ARMC3: variants seen among roughly 807,000 people sequenced by gnomAD.
ARMC3 encodes armadillo repeat-containing protein 3.
Under a neutral mutation model 90.3 loss-of-function variants are expected in ARMC3, and 74 were observed. The observed-to-expected ratio is 0.82, with a 90% CI of 0.68 to 0.99. The LOEUF is 0.99. Among genes scored for constraint, ARMC3 ranks in the 50% least tolerant of loss-of-function variants. The pLI is 0.00. For synonymous variants in ARMC3, 334 were observed against 361.8 expected, an observed-to-expected ratio of 0.92 and a Z score of 0.87; for missense variants, 958 against 1,042.8, an observed-to-expected ratio of 0.92 and a Z score of 1.12.
At chr10:22,946,549 A>G (rs1834533432) in intron 3 of ARMC3, 1 of 225,360 alleles carries the variant, frequency 4.4e-6, no homozygotes, top group African/African-American at 2.3e-5. Context: ...CCAATAGTCA[A>G]GGCTGGAACA....
intron 16 of ARMC3, chr10:23,014,346 G>T: frequency 7.4e-7 from 1 of 1,346,950 alleles, no homozygotes; most frequent in Non-Finnish European, 9.6e-7. Context: ...TCCCTTCTTA[G>T]CCTTTGGTCC....
chr10:23,003,391 G>C lies in ARMC3; in HGVS notation c.1708G>C (p.Asp570His). 1.2e-6 allele frequency: 2 copies of C among 1,609,108 alleles called. No individual in the cohort carries two copies. The highest frequency in any genetic ancestry group is 1.7e-6 in the Non-Finnish European group (2 of 1,177,852). Residue 570 changes from aspartate to histidine, a missense_variant, in exon 13 of 19, where the codon GAT becomes CAT. Coordinates refer to ENST00000298032, the MANE Select transcript of ARMC3 (RefSeq NM_173081.5). Reference protein sequence around the residue: ...GYLSSSNIINDGFYDYGRINP... With the variant: ...GYLSSSNIINHGFYDYGRINP... ...TTTGTCATCAAGTAACATAATTAAC[G>C]ATGGATTCTATGATTATGGTCGGGT...
intron 2 of ARMC3, among the ~76,000 whole-genome samples, chr10:22,933,561 G>A (rs1834009482): frequency 6.6e-6 from 1 of 152,108 alleles, no homozygotes; most frequent in Non-Finnish European, 1.5e-5. Context: ...GCCAATGGCG[G>A]GTGTAACATT....
At chr10:22,961,766 C>T (rs1393883226) in intron 6 of ARMC3, 118 bp from the exon 7 acceptor site, 1 of 796,580 alleles carries the variant, frequency 1.3e-6, no homozygotes. Flanking sequence ...GGAAGGGAAT[C>T]TGGAATAAAA....
chr10:22,944,049 G>T (rs1834425743), intron 2 of ARMC3, among the ~76,000 whole-genome samples: 1 of 151,898 alleles, frequency 6.6e-6, no homozygotes, highest in South Asian at 2.1e-4. Context: ...TTATATTTTG[G>T]TCCTCCCAAG....
At chr10:22,953,566 C>T (rs1834814700) in intron 3 of ARMC3, among the ~76,000 whole-genome samples, 1 of 152,072 alleles carries the variant, frequency 6.6e-6, no homozygotes, top group Non-Finnish European at 1.5e-5. Context: ...AAACCTATGG[C>T]TTACAACACA....
intron 10 of ARMC3, among the ~76,000 whole-genome samples, chr10:22,988,075 C>T (rs999744822): frequency 1.3e-5 from 2 of 152,180 alleles, no homozygotes; most frequent in African/African-American, 4.8e-5. Flanking sequence ...CATTTGAGTG[C>T]TTTGGGAAGC....
chr10:22,983,119 T>C (rs1158221343), intron 10 of ARMC3, among the ~76,000 whole-genome samples: 1 of 152,136 alleles, frequency 6.6e-6, no homozygotes, highest in Non-Finnish European at 1.5e-5. Context: ...TCCAGTATGG[T>C]CACATGGTGC....
chr10:22,936,773 C>T (rs1411648308), intron 2 of ARMC3, among the ~76,000 whole-genome samples: 1 of 152,154 alleles, frequency 6.6e-6, no homozygotes, highest in African/African-American at 2.4e-5. Flanking sequence ...GGTGCAGGCT[C>T]TGTAGGAGAA....
intron 10 of ARMC3, among the ~76,000 whole-genome samples, chr10:22,994,646 T>G (rs534768061): frequency 6.6e-6 from 1 of 152,366 alleles, no homozygotes; most frequent in East Asian, 1.9e-4. Context: ...ATTATAATTT[T>G]AAAACATCAC....
At position 23,003,273 on chromosome 10, in the gene ARMC3, C is replaced by T. The variant is rs766159315; in HGVS notation, c.1590C>T (p.Asn530=). 2.5e-5 allele frequency: 41 copies of T among 1,612,336 alleles called. No individual in the cohort carries two copies. The African/African-American group carries it at 2.8e-4, about 11-fold the overall frequency. ...LGALDILEEV[N]VSGTRKNKFS... is the part of the protein sequence containing the mutation. ...CTTTAGATATCCTTGAAGAAGTTAACGTATCAGGAACTCGGAAAAATAAAT... is the reference window on the plus strand; with the variant it reads ...CTTTAGATATCCTTGAAGAAGTTAATGTATCAGGAACTCGGAAAAATAAAT... The change falls in exon 13 of 19, where the codon AAC becomes AAT. Residue 530 remains asparagine (N), a synonymous_variant. Coordinates refer to ENST00000298032, the MANE Select transcript of ARMC3 (RefSeq NM_173081.5).
intron 16 of ARMC3, among the ~76,000 whole-genome samples, chr10:23,012,874 G>T (rs1360054655): frequency 2.0e-5 from 3 of 150,482 alleles, no homozygotes; most frequent in African/African-American, 7.4e-5. Context: ...TGCCCCCAGA[G>T]GTGCTAGCCC....
At chr10:22,968,544 G>C in intron 8 of ARMC3, 55 bp downstream of exon 8, 1 of 1,453,674 alleles carries the variant, frequency 6.9e-7, no homozygotes. Context: ...CTGTTTCTCA[G>C]GCTGGAGTGC....
intron 2 of ARMC3, among the ~76,000 whole-genome samples, chr10:22,938,482 A>C (rs1425616180): frequency 6.6e-6 from 1 of 152,240 alleles, no homozygotes; most frequent in Non-Finnish European, 1.5e-5. Flanking sequence ...ATGTGGGAGA[A>C]ACATGAAAAT....
At chr10:23,031,370 G>A (rs1366539366) in intron 17 of ARMC3, among the ~76,000 whole-genome samples, 3 of 152,194 alleles carry the variant, frequency 2.0e-5, no homozygotes, top group Non-Finnish European at 2.9e-5. Flanking sequence ...GGCTGGAATT[G>A]GACTTGGTAG....
rs190536336 is a variant in ARMC3 at position 22,951,971 on chromosome 10, T to C, written c.167-3836T>C. 8.6e-4 allele frequency among the ~76,000 whole-genome samples: 130 copies of C among 151,934 alleles called. No individual in the cohort carries two copies. The South Asian group carries it at 0.016, about 18-fold the overall frequency. On this transcript the variant is annotated intron_variant, in intron 3 of 18. Transcript: ENST00000298032. ...TGGTGAAACCCTGTCTCTACCAAAA[T>C]ACAGAAAATTAGGTGTGGTGGCATG...
At chr10:22,942,186 G>C (rs748618157) in intron 2 of ARMC3, among the ~76,000 whole-genome samples, 1 of 152,172 alleles carries the variant, frequency 6.6e-6, no homozygotes, top group African/African-American at 2.4e-5. Flanking sequence ...ATGGACTGGG[G>C]ATCCAAATGC....
At chr10:23,008,066 T>C (rs1405330501) in intron 14 of ARMC3, among the ~76,000 whole-genome samples, 1 of 152,144 alleles carries the variant, frequency 6.6e-6, no homozygotes, top group Admixed American at 6.5e-5. Context: ...ATCGCACCAC[T>C]GCACTCCAGC....
chr10:22,957,848 ATTT>A (rs1424263998), intron 4 of ARMC3, among the ~76,000 whole-genome samples: 4 of 152,202 alleles, frequency 2.6e-5, no homozygotes, highest in African/African-American at 7.2e-5. Flanking sequence ...AAAAGGGAAG[ATTT>A]TTTTATTTCT....
Sources: allele counts gnomAD v4.1 joint callset (sites outside exome capture counted in the v4.1 genomes callset), GRCh38; gene constraint gnomAD v4.1.1; transcripts MANE v1.5; gene names NCBI Gene and HGNC (gene_info 2026-07-23, HGNC 2026-07-21).